Variants in CDIN1 observed in about 807,000 individuals in gnomAD.
CDIN1 encodes CDAN1 interacting nuclease 1, also known as CDAN1-interacting nuclease 1.
A neutral mutation model predicts 45.3 loss-of-function variants in CDIN1; 33 were observed. The observed-to-expected ratio is 0.73, with a 90% CI of 0.55 to 0.97. The LOEUF (loss-of-function observed/expected upper bound fraction) is 0.97. Among genes scored for constraint, CDIN1 ranks in the 50% least tolerant of loss-of-function variants. The pLI, the probability that CDIN1 is intolerant of heterozygous loss-of-function variation, is 0.00. For synonymous variants in CDIN1, 118 were observed against 124.4 expected, an observed-to-expected ratio of 0.95 and a Z score of 0.34; for missense variants, 303 against 339.4, an observed-to-expected ratio of 0.89 and a Z score of 0.84.
chr15:36,702,029 CA>C, intron 8 of CDIN1: 1 of 701,900 alleles, frequency 1.4e-6, no homozygotes, highest in Non-Finnish European at 2.6e-6. Context: ...GAAGGACAGG[CA>C]GCAGGAGCAG....
At chr15:36,640,331 A>G (rs747551064) in intron 1 of CDIN1, among the ~76,000 whole-genome samples, 7 of 152,164 alleles carry the variant, frequency 4.6e-5, no homozygotes, top group Admixed American at 1.3e-4. Context: ...ATCATTAACT[A>G]CAGACAGCTG....
intron 1 of CDIN1, among the ~76,000 whole-genome samples, chr15:36,600,139 C>T (rs2038027321): frequency 6.6e-6 from 1 of 152,206 alleles, no homozygotes; most frequent in Admixed American, 6.5e-5. Context: ...CTCTTAGGCC[C>T]TTTTCTGTCC....
intron 1 of CDIN1, among the ~76,000 whole-genome samples, chr15:36,583,053 C>G (rs2037120694): frequency 6.6e-6 from 1 of 152,028 alleles, no homozygotes; most frequent in South Asian, 2.1e-4. Context: ...GATGCTGGTC[C>G]TATATATGTC....
intron 1 of CDIN1, among the ~76,000 whole-genome samples, chr15:36,589,656 C>A (rs1481661388): frequency 2.0e-5 from 3 of 152,186 alleles, no homozygotes; most frequent in African/African-American, 7.2e-5. Flanking sequence ...CAGGCGCCCG[C>A]CACCACGCCC....
intron 10 of CDIN1, among the ~76,000 whole-genome samples, chr15:36,750,095 G>A (rs144051902): frequency 6.6e-6 from 1 of 151,966 alleles, no homozygotes; most frequent in Non-Finnish European, 1.5e-5. Flanking sequence ...GTTCGCGGTG[G>A]TGGTGTGGTG....
At chr15:36,662,769 T>C (rs2041066121) in intron 5 of CDIN1, among the ~76,000 whole-genome samples, 2 of 151,834 alleles carry the variant, frequency 1.3e-5, no homozygotes, top group African/African-American at 2.4e-5. Flanking sequence ...ACTCATAGTT[T>C]AGTGGAATGT....
intron 1 of CDIN1, among the ~76,000 whole-genome samples, chr15:36,595,117 C>G (rs1387180917): frequency 2.6e-5 from 4 of 151,588 alleles, no homozygotes; most frequent in African/African-American, 9.7e-5. Context: ...ACAAGTTGAA[C>G]TTTTGTCATC....
At chr15:36,661,632 A>G (rs528337897) in intron 5 of CDIN1, among the ~76,000 whole-genome samples, 17 of 152,276 alleles carry the variant, frequency 1.1e-4, no homozygotes, top group Non-Finnish European at 1.8e-4. Context: ...TTCCATCTTA[A>G]CTTTTACAAG....
chr15:36,737,825 G>C (rs1048653622), intron 10 of CDIN1, among the ~76,000 whole-genome samples: 1 of 152,148 alleles, frequency 6.6e-6, no homozygotes, highest in Non-Finnish European at 1.5e-5. Context: ...GAGGTACATA[G>C]GGTGTCCTAG....
intron 1 of CDIN1, among the ~76,000 whole-genome samples, chr15:36,600,742 C>T (rs2140230981): frequency 6.6e-6 from 1 of 152,256 alleles, no homozygotes; most frequent in Non-Finnish European, 1.5e-5. Context: ...ATGTCAAAGA[C>T]ATAAATTCTG....
chr15:36,797,626 C>T (rs74008789), intron 10 of CDIN1, among the ~76,000 whole-genome samples: 3 of 152,248 alleles, frequency 2.0e-5, no homozygotes, highest in Admixed American at 6.5e-5. Flanking sequence ...TCTTGCAATT[C>T]GCTCTTCAGA....
intron 7 of CDIN1, among the ~76,000 whole-genome samples, chr15:36,694,939 A>G (rs2042372075): frequency 6.6e-6 from 1 of 152,250 alleles, no homozygotes; most frequent in South Asian, 2.1e-4. Flanking sequence ...GAGACCATTG[A>G]GAGTTATTCA....
chr15:36,757,187 C>G (rs2053631481), intron 10 of CDIN1, among the ~76,000 whole-genome samples: 1 of 152,120 alleles, frequency 6.6e-6, no homozygotes, highest in Non-Finnish European at 1.5e-5. Context: ...AGAGCTTTGT[C>G]ACCTTAAATT....
At chr15:36,692,269 A>G in intron 7 of CDIN1, 94 bp downstream of exon 7, 2 of 1,182,248 alleles carry the variant, frequency 1.7e-6, no homozygotes, top group Non-Finnish European at 2.4e-6. Flanking sequence ...GTTCTGCTTC[A>G]CAAAACACAT....
intron 10 of CDIN1, among the ~76,000 whole-genome samples, chr15:36,784,592 G>A (rs977746387): frequency 3.9e-5 from 6 of 152,158 alleles, no homozygotes; most frequent in Non-Finnish European, 7.4e-5. Flanking sequence ...CAGCAGTGAC[G>A]AATAATCTAT....
chr15:36,626,569 T>C (rs1434208103), intron 1 of CDIN1: 1 of 245,200 alleles, frequency 4.1e-6, no homozygotes, highest in African/African-American at 2.3e-5. Context: ...CCATCCTGTT[T>C]TGGCGACTAA....
rs2055345429 is a variant in CDIN1 at position 36,809,954 on chromosome 15, A to G, written c.*1501A>G. 6.6e-6 allele frequency: 1 copy of G among 152,108 alleles called. No homozygotes were observed. Among genetic ancestry groups the G allele is most frequent in the Non-Finnish European group, 1.5e-5 (1 of 68,020 alleles). The allele number at this position is 152,108 out of a possible 1,614,324, so 9.4% of individuals were successfully genotyped here. ...TGAAATGCTAAAGAAGGGTCAGGCAAACTTCTGTTTCAGTATAAAATTCAT... is the reference window on the plus strand; with the variant it reads ...TGAAATGCTAAAGAAGGGTCAGGCAGACTTCTGTTTCAGTATAAAATTCAT... On this transcript the variant is annotated 3_prime_UTR_variant, in exon 11 of 11. Coordinates refer to ENST00000566621, the MANE Select transcript of CDIN1 (RefSeq NM_001321759.2).
chr15:36,733,208 T>G (rs2043894236), intron 10 of CDIN1, among the ~76,000 whole-genome samples: 1 of 152,084 alleles, frequency 6.6e-6, no homozygotes, highest in African/African-American at 2.4e-5. Context: ...GTTACAGATA[T>G]AATTTCCCAA....
intron 1 of CDIN1, among the ~76,000 whole-genome samples, chr15:36,592,238 G>C (rs2037612379): frequency 6.6e-6 from 1 of 152,196 alleles, no homozygotes; most frequent in Non-Finnish European, 1.5e-5. Flanking sequence ...GCTCTTTCCA[G>C]CTTGTGAGAG....
Sources: gnomAD v4.1 joint callset for allele counts (sites outside exome capture counted in the v4.1 genomes callset) on GRCh38, gnomAD v4.1.1 for gene constraint, MANE v1.5 for transcripts, NCBI Gene and HGNC (gene_info 2026-07-23, HGNC 2026-07-21) for gene names.